HHAT: variants seen among roughly 807,000 people sequenced by gnomAD.
HHAT encodes hedgehog acyltransferase, also known as protein-cysteine N-palmitoyltransferase HHAT.
In HHAT, 47 loss-of-function variants were observed where a neutral mutation model predicts 70.8. That is an observed-to-expected ratio of 0.66 (90% confidence interval 0.53 to 0.85). The LOEUF (loss-of-function observed/expected upper bound fraction) is 0.85. HHAT is among the 40% of genes least tolerant of loss of function. The pLI, the probability that HHAT is intolerant of heterozygous loss-of-function variation, is 0.00. For missense variants in HHAT, 609 were observed against 604.8 expected (o/e 1.01, Z -0.07); for synonymous variants, 228 against 247.6 (o/e 0.92, Z 0.74).
chr1:210,601,115 C>G (rs890024822), intron 10 of HHAT, among the ~76,000 whole-genome samples: 6 of 151,564 alleles, frequency 4.0e-5, no homozygotes, highest in Admixed American at 2.0e-4. Context: ...AACCCAAAGA[C>G]TCTGTGGTGG....
intron 10 of HHAT, among the ~76,000 whole-genome samples, chr1:210,592,371 T>C (rs1168981803): frequency 6.6e-6 from 1 of 152,142 alleles, no homozygotes; most frequent in Non-Finnish European, 1.5e-5. Context: ...CTGGGTTCTC[T>C]ATTCTGTTCC....
At chr1:210,627,515 T>C (rs977722866) in intron 11 of HHAT, among the ~76,000 whole-genome samples, 1 of 152,160 alleles carries the variant, frequency 6.6e-6, no homozygotes, top group Non-Finnish European at 1.5e-5. Flanking sequence ...TATGAGGCTG[T>C]AAAACCAGAC....
chr1:210,674,200 C>T (rs747790815), intron 11 of HHAT, 88 bp from the exon 12 acceptor site: 12 of 1,109,716 alleles, frequency 1.1e-5, no homozygotes, highest in Non-Finnish European at 1.6e-5. Context: ...GTCAGGTTGC[C>T]TTCTCCAAAA....
chr1:210,518,249 TA>T (rs1403789787), intron 9 of HHAT, among the ~76,000 whole-genome samples: 1 of 152,178 alleles, frequency 6.6e-6, no homozygotes, highest in Non-Finnish European at 1.5e-5. Flanking sequence ...CTCCCCTCTC[TA>T]CCCCCTCTAT....
At chr1:210,357,407 G>A (rs1332481681) in intron 2 of HHAT, among the ~76,000 whole-genome samples, 2 of 152,178 alleles carry the variant, frequency 1.3e-5, no homozygotes, top group Non-Finnish European at 2.9e-5. Context: ...GAAGATGAAG[G>A]ATCACACAGA....
chr1:210,492,801 G>A (rs1331328848), intron 8 of HHAT, among the ~76,000 whole-genome samples: 1 of 152,114 alleles, frequency 6.6e-6, no homozygotes, highest in Admixed American at 6.6e-5. Flanking sequence ...CTAGGTTATA[G>A]CAAAACTCTG....
chr1:210,569,243 G>A (rs546164311), intron 9 of HHAT, among the ~76,000 whole-genome samples: 1 of 151,506 alleles, frequency 6.6e-6, no homozygotes, highest in Non-Finnish European at 1.5e-5. Context: ...GTGCAGTGGC[G>A]GGCACCTGTA....
chr1:210,531,157 A>C (rs1328252806), intron 9 of HHAT, among the ~76,000 whole-genome samples: 1 of 152,236 alleles, frequency 6.6e-6, no homozygotes, highest in Admixed American at 6.5e-5. Flanking sequence ...AATATGATGT[A>C]GGTACTCATC....
intron 7 of HHAT, among the ~76,000 whole-genome samples, chr1:210,450,933 A>G (rs1258515328): frequency 2.0e-5 from 3 of 152,006 alleles, no homozygotes; most frequent in East Asian, 3.9e-4. Flanking sequence ...ATACAAAAAC[A>G]AAAATTAGCC....
At chr1:210,457,845 T>C (rs1163167677) in intron 7 of HHAT, among the ~76,000 whole-genome samples, 1 of 152,162 alleles carries the variant, frequency 6.6e-6, no homozygotes, top group East Asian at 1.9e-4. Context: ...TCACTGGACA[T>C]GCTACTCTGT....
intron 9 of HHAT, among the ~76,000 whole-genome samples, chr1:210,561,938 A>G (rs2095626812): frequency 6.6e-6 from 1 of 152,134 alleles, no homozygotes; most frequent in African/African-American, 2.4e-5. Flanking sequence ...CCTGATAGTC[A>G]CTTACTAACT....
chr1:210,488,756 G>T (rs2094508905), intron 8 of HHAT, among the ~76,000 whole-genome samples: 1 of 152,120 alleles, frequency 6.6e-6, no homozygotes, highest in South Asian at 2.1e-4. Flanking sequence ...AGTAGAGCTT[G>T]GTGGTACACA....
At chr1:210,402,788 T>C (rs2092141377) in intron 5 of HHAT, among the ~76,000 whole-genome samples, 1 of 152,244 alleles carries the variant, frequency 6.6e-6, no homozygotes, top group Non-Finnish European at 1.5e-5. Flanking sequence ...GGTATCTTTT[T>C]ATTCATTCAT....
At chr1:210,350,246 T>C (rs1045125459) in intron 2 of HHAT, among the ~76,000 whole-genome samples, 19 of 152,196 alleles carry the variant, frequency 1.2e-4, no homozygotes, top group African/African-American at 4.3e-4. Flanking sequence ...TTGCTAAAAA[T>C]TGGAAGCAAT....
intron 10 of HHAT, among the ~76,000 whole-genome samples, chr1:210,610,062 G>C (rs1292852971): frequency 6.6e-6 from 1 of 152,108 alleles, no homozygotes; most frequent in African/African-American, 2.4e-5. Context: ...TGGTATTTCT[G>C]CTTCTAGGTC....
chr1:210,514,828 A>G (rs1048083193), intron 9 of HHAT, among the ~76,000 whole-genome samples: 7 of 152,234 alleles, frequency 4.6e-5, no homozygotes, highest in Non-Finnish European at 8.8e-5. Context: ...AAAAACAGAC[A>G]TTTGATTTGA....
At chr1:210,355,820 C>G (rs555201275) in intron 2 of HHAT, among the ~76,000 whole-genome samples, 1 of 152,182 alleles carries the variant, frequency 6.6e-6, no homozygotes, top group African/African-American at 2.4e-5. Flanking sequence ...CATGAAATCT[C>G]TTTGGGAGTA....
chr1:210,612,239 G>A (rs765637286), intron 10 of HHAT, among the ~76,000 whole-genome samples: 5 of 152,002 alleles, frequency 3.3e-5, no homozygotes, highest in South Asian at 2.1e-4. Flanking sequence ...AAAAACATTC[G>A]TATTGTTTTA....
chr1:210,496,084 G>GT (rs35707126), intron 8 of HHAT, among the ~76,000 whole-genome samples: 21,578 of 136,628 alleles, frequency 0.16, 2,000 homozygotes, highest in East Asian at 0.35. Context: ...AAAGAGTAAA[G>GT]TTTTTTTTTT....
Sources: gnomAD v4.1 joint callset for allele counts (sites outside exome capture counted in the v4.1 genomes callset) on GRCh38, gnomAD v4.1.1 for gene constraint, MANE v1.5 for transcripts, NCBI Gene and HGNC (gene_info 2026-07-23, HGNC 2026-07-21) for gene names.